Variants in SHC3 observed in about 807,000 individuals in gnomAD.
The protein encoded by SHC3 is SHC-transforming protein 3.
In SHC3, 15 loss-of-function variants were observed where a neutral mutation model predicts 60.4. The observed-to-expected ratio is 0.25, with a 90% CI of 0.17 to 0.38. SHC3 has a LOEUF of 0.38. Among genes scored for constraint, SHC3 ranks in the 10% least tolerant of loss-of-function variants. The pLI, the probability that SHC3 is intolerant of heterozygous loss-of-function variation, is 1.00. For synonymous variants in SHC3, 294 were observed against 325.9 expected (o/e 0.90, Z 1.05); for missense variants, 677 against 786.1 (o/e 0.86, Z 1.66).
chr9:89,065,847 C>G (rs1410024300), intron 5 of SHC3, among the ~76,000 whole-genome samples: 2 of 152,120 alleles, frequency 1.3e-5, no homozygotes, highest in African/African-American at 4.8e-5. Context: ...CCCATGTATA[C>G]TGAGGCTGCA....
In SHC3 at chr9:89,065,721, C is replaced by A. The variant is rs180906274; in HGVS notation, c.784-141G>T. ...GAATCAAATGCTGCCTAAGAAACAG[C>A]CCCCAGAAGATTCAAGCTATATAAT... is the stretch of plus-strand genomic sequence containing the variant. On this transcript the variant is annotated intron_variant, in intron 5 of 11. Transcript: ENST00000375835. The A allele has an allele frequency of 2.1e-5, 17 of 812,780 alleles. No homozygotes were observed. In the Admixed American group the frequency reaches 3.5e-4, roughly 17 times the overall value. The allele number at this position is 812,780 out of a possible 1,614,324, so 50.3% of individuals were successfully genotyped here.
intron 2 of SHC3, among the ~76,000 whole-genome samples, chr9:89,107,799 C>T (rs777225426): frequency 6.6e-6 from 1 of 152,202 alleles, no homozygotes; most frequent in Non-Finnish European, 1.5e-5. Flanking sequence ...CAACCAGCCT[C>T]AGAGAATCTA....
intron 1 of SHC3, among the ~76,000 whole-genome samples, chr9:89,124,479 C>T (rs1826135384): frequency 6.6e-6 from 1 of 152,146 alleles, no homozygotes; most frequent in Non-Finnish European, 1.5e-5. Flanking sequence ...AAAAGTGGCA[C>T]ATATACAACA....
chr9:89,080,708 G>A (rs543549090), intron 2 of SHC3, among the ~76,000 whole-genome samples: 5 of 146,598 alleles, frequency 3.4e-5, no homozygotes, highest in African/African-American at 1.3e-4. Flanking sequence ...ATGAAACGAT[G>A]AAAGTAGTAA....
At chr9:89,063,012 G>A (rs1420146696) in intron 6 of SHC3, among the ~76,000 whole-genome samples, 2 of 152,196 alleles carry the variant, frequency 1.3e-5, no homozygotes, top group African/African-American at 2.4e-5. Flanking sequence ...CATCCGGTAG[G>A]CTGGGCCTCC....
At chr9:89,100,169 A>G (rs1825762083) in intron 2 of SHC3, among the ~76,000 whole-genome samples, 2 of 152,240 alleles carry the variant, frequency 1.3e-5, no homozygotes, top group African/African-American at 2.4e-5. Flanking sequence ...GGTAACACTT[A>G]GAACTGATCC....
At chr9:89,172,543 G>A (rs886698008) in intron 1 of SHC3, among the ~76,000 whole-genome samples, 3 of 148,988 alleles carry the variant, frequency 2.0e-5, no homozygotes, top group African/African-American at 7.5e-5. Context: ...ACACACACAC[G>A]AAGACACAGA....
intron 4 of SHC3, among the ~76,000 whole-genome samples, chr9:89,074,690 G>GAAAAAAAAAA (rs1825326360): frequency 4.5e-5 from 1 of 22,268 alleles, no homozygotes; most frequent in African/African-American, 1.9e-4. Flanking sequence ...AGCCACTAAA[G>GAAAAAAAAAA]CAAAAAAAAA....
chr9:89,072,002 T>G (rs1241814732), intron 4 of SHC3, among the ~76,000 whole-genome samples: 1 of 152,246 alleles, frequency 6.6e-6, no homozygotes, highest in African/African-American at 2.4e-5. Context: ...CCTATCTCTT[T>G]TTCTCTTGAT....
chr9:89,079,092 T>A (rs1034655922), intron 2 of SHC3, among the ~76,000 whole-genome samples: 1 of 152,188 alleles, frequency 6.6e-6, no homozygotes, highest in African/African-American at 2.4e-5. Flanking sequence ...TCCTAAAAGC[T>A]CAGATGCCAG....
intron 6 of SHC3, among the ~76,000 whole-genome samples, chr9:89,053,075 CG>C (rs1406021083): frequency 6.6e-6 from 1 of 152,190 alleles, no homozygotes; most frequent in Non-Finnish European, 1.5e-5. Flanking sequence ...CCACTTCCAC[CG>C]TGCCCTACCA....
At chr9:89,022,781 G>C (rs1826227361) in intron 11 of SHC3, among the ~76,000 whole-genome samples, 1 of 152,100 alleles carries the variant, frequency 6.6e-6, no homozygotes, top group South Asian at 2.1e-4. Flanking sequence ...TAAGTGCCTA[G>C]TGCACTTATT....
At chr9:89,059,730 G>GTT (rs1564109311) in intron 6 of SHC3, among the ~76,000 whole-genome samples, 1 of 13,652 alleles carries the variant, frequency 7.3e-5, no homozygotes, top group African/African-American at 5.0e-4. Flanking sequence ...GGTGCAGGAC[G>GTT]GTGGTGGAGG....
chr9:89,076,176 C>T (rs7021961), intron 3 of SHC3, among the ~76,000 whole-genome samples: 12,012 of 152,090 alleles, frequency 0.079, 1,530 homozygotes, highest in African/African-American at 0.28. Flanking sequence ...TGAGATTCCC[C>T]TTCTTCGTTC....
At chr9:89,022,505 A>C (rs937586704) in intron 11 of SHC3, among the ~76,000 whole-genome samples, 11 of 152,192 alleles carry the variant, frequency 7.2e-5, no homozygotes, top group African/African-American at 2.7e-4. Flanking sequence ...AGCTATCTTC[A>C]GTAAGGAATT....
intron 6 of SHC3, among the ~76,000 whole-genome samples, chr9:89,056,235 A>G (rs1243291795): frequency 6.6e-6 from 1 of 152,056 alleles, no homozygotes; most frequent in Non-Finnish European, 1.5e-5. Flanking sequence ...CAGCTCTTCC[A>G]TTTCTTTTCT....
chr9:89,082,026 G>A (rs1202187713), intron 2 of SHC3, among the ~76,000 whole-genome samples: 2 of 151,994 alleles, frequency 1.3e-5, no homozygotes, highest in African/African-American at 4.8e-5. Context: ...AGGGAAACAG[G>A]CGACCCCCTT....
intron 1 of SHC3, among the ~76,000 whole-genome samples, chr9:89,177,523 G>T (rs72748959): frequency 1.3e-5 from 2 of 152,346 alleles, no homozygotes; most frequent in Non-Finnish European, 2.9e-5. Flanking sequence ...TTGCTGCGGG[G>T]GGCAACAAGA....
chr9:89,176,267 T>C (rs1168170607), intron 1 of SHC3, among the ~76,000 whole-genome samples: 1 of 152,240 alleles, frequency 6.6e-6, no homozygotes, highest in Admixed American at 6.5e-5. Context: ...CAGCAACAGA[T>C]TGTCGACGCA....
Sources: allele counts gnomAD v4.1 joint callset (sites outside exome capture counted in the v4.1 genomes callset), GRCh38; gene constraint gnomAD v4.1.1; transcripts MANE v1.5; gene names NCBI Gene and HGNC (gene_info 2026-07-23, HGNC 2026-07-21).